The following PLA2G10 variants were observed in gnomAD, a reference collection of about 807,000 sequenced individuals.
PLA2G10 encodes group 10 secretory phospholipase A2.
A neutral mutation model predicts 7.9 loss-of-function variants in PLA2G10; 9 were observed. The ratio of observed to expected loss-of-function variants is 1.14; its 90% CI spans 0.68 to 1.98. PLA2G10 has a LOEUF of 1.98. Among genes scored for constraint, PLA2G10 ranks in the 30% most tolerant of loss-of-function variants. PLA2G10 has a pLI of 0.00. For synonymous variants in PLA2G10, 19 were observed against 27.5 expected (o/e 0.69, Z 0.97); for missense variants, 53 against 65.4 (o/e 0.81, Z 0.66).
At chr16:14,675,376 G>A (rs1405291382) in intron 3 of PLA2G10, among the ~76,000 whole-genome samples, 1 of 151,932 alleles carries the variant, frequency 6.6e-6, no homozygotes, top group Non-Finnish European at 1.5e-5. Flanking sequence ...AATTCTAGAA[G>A]AAAACCTTGG....
chr16:14,686,491 C>T (rs555556753), intron 3 of PLA2G10, among the ~76,000 whole-genome samples: 2 of 152,088 alleles, frequency 1.3e-5, no homozygotes, highest in East Asian at 2.0e-4. Context: ...AAATGCCATA[C>T]ATCAGAATGG....
intron 3 of PLA2G10, among the ~76,000 whole-genome samples, chr16:14,682,235 T>G (rs1249504797): frequency 1.3e-5 from 2 of 152,212 alleles, no homozygotes; most frequent in Non-Finnish European, 2.9e-5. Flanking sequence ...TCAGCTTTGC[T>G]CTTATGCCAA....
chr16:14,686,365 G>C (rs532061619), intron 3 of PLA2G10, among the ~76,000 whole-genome samples: 1 of 152,222 alleles, frequency 6.6e-6, no homozygotes, highest in Admixed American at 6.6e-5. Flanking sequence ...AGATAACTTT[G>C]AGTCTCGCTG....
intron 3 of PLA2G10, among the ~76,000 whole-genome samples, chr16:14,684,534 C>G (rs1375910298): frequency 3.3e-5 from 5 of 151,696 alleles, no homozygotes; most frequent in African/African-American, 1.2e-4. Flanking sequence ...GGCGTGGTGG[C>G]GGGCACCTGA....
intron 3 of PLA2G10, among the ~76,000 whole-genome samples, chr16:14,685,763 C>T (rs1366776023): frequency 1.3e-5 from 2 of 151,348 alleles, no homozygotes. Context: ...GGTGCAGTCT[C>T]GGCTCACTGC....
chr16:14,673,456 C>T (rs928894322), intron 3 of PLA2G10, among the ~76,000 whole-genome samples: 1 of 152,076 alleles, frequency 6.6e-6, no homozygotes, highest in Non-Finnish European at 1.5e-5. Flanking sequence ...ACTGCAGCCT[C>T]CGCCTCCTGG....
At chr16:14,677,940 G>A (rs1483594638) in intron 3 of PLA2G10, among the ~76,000 whole-genome samples, 1 of 152,136 alleles carries the variant, frequency 6.6e-6, no homozygotes, top group Admixed American at 6.6e-5. Context: ...ATGGATAGAT[G>A]GATGATAGGT....
Position 14,675,554 on chromosome 16 carries a change from A to C in PLA2G10, c.356-2805T>G, listed in dbSNP as rs138251458. On this transcript the variant is annotated intron_variant, in intron 3 of 3. Coordinates refer to ENST00000438167, the MANE Select transcript of PLA2G10 (RefSeq NM_003561.3). ...ACAGACAACCCACAGAATGGGAGAA[A>C]ATATTTGCAAACTACATATCTGACA... Among the ~76,000 whole-genome samples the C allele has an allele frequency of 2.0e-5, 3 of 152,304 alleles. No homozygotes were observed. The East Asian group carries it at 5.8e-4, about 29-fold the overall frequency.
intron 3 of PLA2G10, among the ~76,000 whole-genome samples, chr16:14,676,864 TAAGAA>T (rs963312565): frequency 8.5e-5 from 13 of 152,268 alleles, no homozygotes; most frequent in Middle Eastern, 3.4e-3. Context: ...TGATGAAACT[TAAGAA>T]TGGAAAACCA....
chr16:14,678,733 G>A, intron 3 of PLA2G10: 2 of 399,320 alleles, frequency 5.0e-6, no homozygotes, highest in South Asian at 1.9e-5. Context: ...TCACACCACT[G>A]CACTCCAGCC....
At chr16:14,679,830 A>G (rs994352023) in intron 3 of PLA2G10, among the ~76,000 whole-genome samples, 2 of 152,006 alleles carry the variant, frequency 1.3e-5, no homozygotes, top group African/African-American at 4.8e-5. Context: ...AGCCTGGGTG[A>G]CAGATCGAGA....
rs764777766 is a variant in PLA2G10, at chr16:14,672,760, T to C, written c.356-11A>G. 7 of 1,613,482 alleles carry C rather than the reference T, an allele frequency of 4.3e-6. 1 individual carries two copies. In the South Asian group the frequency reaches 7.7e-5, roughly 18 times the overall value. On this transcript the variant is annotated splice_polypyrimidine_tract_variant and intron_variant, in intron 3 of 3. Transcript: ENST00000438167. ...TGTTCTCTGCCGGTCCTGGAAGAAGTGGGGAAACTGAGATTAGAGCAGGGA... is the reference window on the plus strand; with the variant it reads ...TGTTCTCTGCCGGTCCTGGAAGAAGCGGGGAAACTGAGATTAGAGCAGGGA...
At chr16:14,678,661 T>C in intron 3 of PLA2G10, 2 of 369,042 alleles carry the variant, frequency 5.4e-6, no homozygotes, top group Non-Finnish European at 1.1e-5. Context: ...TTCCAGCTAC[T>C]CAGGAGGCTG....
chr16:14,677,784 T>G (rs1960763716), intron 3 of PLA2G10, among the ~76,000 whole-genome samples: 1 of 147,734 alleles, frequency 6.8e-6, no homozygotes, highest in Admixed American at 6.7e-5. Flanking sequence ...GGATGGTGGG[T>G]GGATGGATGG....
chr16:14,674,906 T>G (rs1960685366), intron 3 of PLA2G10, among the ~76,000 whole-genome samples: 1 of 152,118 alleles, frequency 6.6e-6, no homozygotes, highest in South Asian at 2.1e-4. Flanking sequence ...GCGTAGTGGC[T>G]CATGCCTGTA....
intron 3 of PLA2G10, among the ~76,000 whole-genome samples, chr16:14,684,178 T>G (rs536333690): frequency 3.4e-5 from 5 of 148,266 alleles, no homozygotes; most frequent in Non-Finnish European, 1.5e-5. Flanking sequence ...GCCAACATGG[T>G]GAAACCCCGT....
At chr16:14,674,108 G>C (rs570856422) in intron 3 of PLA2G10, among the ~76,000 whole-genome samples, 2 of 151,680 alleles carry the variant, frequency 1.3e-5, no homozygotes, top group African/African-American at 4.8e-5. Context: ...CAAGAACTCA[G>C]TCCCTTTTAT....
intron 3 of PLA2G10, among the ~76,000 whole-genome samples, chr16:14,673,785 A>G (rs1960654094): frequency 6.6e-6 from 1 of 152,204 alleles, no homozygotes; most frequent in Non-Finnish European, 1.5e-5. Context: ...CATCATACTG[A>G]ATGGGGATGA....
chr16:14,679,977 A>G (rs1232905382), intron 3 of PLA2G10, among the ~76,000 whole-genome samples: 2 of 152,182 alleles, frequency 1.3e-5, no homozygotes, highest in Non-Finnish European at 2.9e-5. Flanking sequence ...AAATGAAGTC[A>G]TATGATATAC....
Sources: allele counts gnomAD v4.1 joint callset (sites outside exome capture counted in the v4.1 genomes callset), GRCh38; gene constraint gnomAD v4.1.1; transcripts MANE v1.5; gene names NCBI Gene and HGNC (gene_info 2026-07-23, HGNC 2026-07-21).